Variants in HK3 observed in about 807,000 individuals in gnomAD.
HK3 encodes hexokinase-3.
In HK3, 93 loss-of-function variants were observed where a neutral mutation model predicts 91.0. The observed-to-expected ratio is 1.02, with a 90% confidence interval of 0.86 to 1.21. HK3 has a LOEUF of 1.21. Among genes scored for constraint, HK3 ranks in the 50% most tolerant of loss-of-function variants. The pLI is 0.00. For missense variants in HK3, 1,235 were observed against 1,247.4 expected, an observed-to-expected ratio of 0.99 and a Z score of 0.15; for synonymous variants, 519 against 516.9, an observed-to-expected ratio of 1.00 and a Z score of -0.06.
At chr5:176,882,550 A>T (rs1758468644) in intron 15 of HK3, among the ~76,000 whole-genome samples, 1 of 152,184 alleles carries the variant, frequency 6.6e-6, no homozygotes, top group Admixed American at 6.5e-5. Context: ...CAGAGAAATC[A>T]GAGACGAGGA....
chr5:176,890,511 T>A (rs1215011327), intron 6 of HK3, 124 bp downstream of exon 6: 1 of 807,206 alleles, frequency 1.2e-6, no homozygotes, highest in African/African-American at 1.7e-5. Context: ...TGGATGGAGG[T>A]TAAACTGGAT....
rs1469774806 is a variant in HK3, at chr5:176,887,050, T to G, written c.1809A>C (p.Pro603=). The change falls in exon 13 of 19, where the codon CCA becomes CCC. Residue 603 remains proline (P), a synonymous_variant. Transcript: ENST00000292432. The surrounding 1 kb of genome is among the most constrained non-coding windows in gnomAD (Gnocchi z 4.9). ...ATGGGAAGGAGAAGGTAAAACCCAG[T>G]GGGAGGCTCTGCCCGCTCAGGCCCT... is the stretch of plus-strand genomic sequence containing the variant. ...QKQGLSGQSL[P]LGFTFSFPCR... is the part of the protein sequence containing the mutation. 6.2e-7 allele frequency: 1 copy of G among 1,614,004 alleles called. No homozygotes were observed. The highest frequency in any genetic ancestry group is 1.3e-5 in the African/African-American group (1 of 74,906).
chr5:176,890,763 C>T (rs370726557), intron 5 of HK3, 33 bp from the exon 6 acceptor site: 22 of 1,614,068 alleles, frequency 1.4e-5, no homozygotes, highest in Admixed American at 6.7e-5. Flanking sequence ...ACTCCTCTGA[C>T]GGCCTTCATG....
At chr5:176,886,084 C>T (rs1758577885) in intron 13 of HK3, among the ~76,000 whole-genome samples, 2 of 152,146 alleles carry the variant, frequency 1.3e-5, no homozygotes, top group African/African-American at 4.8e-5. Flanking sequence ...TAAAAATGAG[C>T]TGGGCGTGTT....
rs749924458 is a variant in HK3, at chr5:176,883,775, AT to A, written c.2047del (p.Ile683LeufsTer68). On this transcript the variant is annotated frameshift_variant, in exon 15 of 19. Coordinates refer to ENST00000292432, the MANE Select transcript of HK3 (RefSeq NM_002115.3). LOFTEE classifies it high-confidence loss of function. Reference sequence around the variant, plus strand: ...AAGGGCAGGGCCCTCCTCACCGACAATGAGGCCTATCTCGCAACGGGGGTCC... The same window carrying A: ...AAGGGCAGGGCCCTCCTCACCGACAAGAGGCCTATCTCGCAACGGGGGTCC... ...YEDPRCEIGL[I>X]VGTGTNACYM... 1.7e-5 allele frequency: 27 copies of A among 1,611,998 alleles called. No homozygotes were observed. The highest frequency in any genetic ancestry group is 2.1e-5 in the Non-Finnish European group (25 of 1,178,284).
At chr5:176,882,443 G>T (rs999132026) in intron 15 of HK3, among the ~76,000 whole-genome samples, 3 of 152,144 alleles carry the variant, frequency 2.0e-5, no homozygotes, top group Non-Finnish European at 2.9e-5. Flanking sequence ...CCCCGCCCTC[G>T]CCCCTAGCTC....
In HK3 at chr5:176,887,869, G is replaced by A. The variant is rs1758644691; in HGVS notation, c.1305-123C>T. On this transcript the variant is annotated intron_variant, in intron 10 of 18. Transcript: ENST00000292432. The surrounding 1 kb of genome is among the most constrained non-coding windows in gnomAD (Gnocchi z 4.9). ...TGCCCAGCTTGGCCCCAGACCCCTA[G>A]GGCCTCCTGAAGCCCAAGGCCCCAT... 3 of 993,454 alleles carry A rather than the reference G, an allele frequency of 3.0e-6. No homozygotes were observed. The highest frequency in any genetic ancestry group is 3.4e-5 in the South Asian group (2 of 58,244). The allele number at this position is 993,454 out of a possible 1,614,324, so 61.5% of individuals were successfully genotyped here. A position where few individuals can be genotyped will look rare whatever the true frequency, so the allele number is the denominator to read the frequency against.
intron 16 of HK3, 25 bp downstream of exon 16, chr5:176,881,919 A>G (rs1224223561): frequency 5.6e-6 from 9 of 1,612,458 alleles, no homozygotes; most frequent in Non-Finnish European, 6.8e-6. Flanking sequence ...ACAGCCAGCC[A>G]CCACTGCCTG....
chr5:176,884,138 G>A lies in HK3; in HGVS notation c.1858-4C>T, dbSNP rs1173767582. On this transcript the variant is annotated splice_region_variant and splice_polypyrimidine_tract_variant and intron_variant, in intron 13 of 18. Transcript: ENST00000292432. This position sits in a 1 kb window ranked among gnomAD's most constrained non-coding sequence, Gnocchi z 4.1. ...TGGTCCAGTTCAGGAGGATGCCCTG[G>A]GGTGAGACCGAGAGGAAGTGGCAGG... 6.2e-7 allele frequency: 1 copy of A among 1,613,272 alleles called. No individual in the cohort carries two copies. Among genetic ancestry groups the A allele is most frequent in the Admixed American group, 1.7e-5 (1 of 60,024 alleles).
Position 176,887,569 on chromosome 5 carries a change from A to G in HK3, c.1482T>C (p.His494=), listed in dbSNP as rs777516165. The change falls in exon 11 of 19, where the codon CAT becomes CAC. Residue 494 remains histidine, a synonymous_variant. Coordinates refer to ENST00000292432, the MANE Select transcript of HK3 (RefSeq NM_002115.3). The surrounding 1 kb of genome is among the most constrained non-coding windows in gnomAD (Gnocchi z 4.9). Reference sequence around the variant, plus strand: ...GTGCCTGAACCGCAGCCAGTTGATCATGGTTCAACCGGAATGGGGCCAGGG... The same window carrying G: ...GTGCCTGAACCGCAGCCAGTTGATCGTGGTTCAACCGGAATGGGGCCAGGG... ...EETLAPFRLN[H]DQLAAVQAQM... is the part of the protein sequence containing the mutation. 2.5e-6 allele frequency: 4 copies of G among 1,613,884 alleles called. No homozygotes were observed. The highest frequency in any genetic ancestry group is 2.2e-5 in the South Asian group (2 of 91,088).
At position 176,888,823 on chromosome 5, in the gene HK3, A is replaced by C; in HGVS notation, c.956T>G (p.Val319Gly). ...MIGGLYLGEL[V>G]RLVLAHLARC... ...GGCCAAGTGAGCCAGCACCAGCCGC[A>C]CCAGCTCACCCAGGTACAGGCCTCC... Residue 319 changes from valine (V) to glycine (G), a missense_variant, in exon 9 of 19, where the codon GTG becomes GGG. Transcript: ENST00000292432. 6.2e-7 allele frequency: 1 copy of C among 1,614,190 alleles called. No homozygotes were observed. The highest frequency in any genetic ancestry group is 8.5e-7 in the Non-Finnish European group (1 of 1,180,036).
intron 9 of HK3, 30 bp downstream of exon 9, chr5:176,888,679 C>G: frequency 6.2e-7 from 1 of 1,614,008 alleles, no homozygotes. Context: ...GCCAAGAATC[C>G]CCCACTAAAC....
At position 176,891,031 on chromosome 5, in the gene HK3, G is replaced by A. The variant is rs945585741; in HGVS notation, c.414+6C>T. On this transcript the variant is annotated splice_donor_region_variant and intron_variant, in intron 4 of 18. Coordinates refer to ENST00000292432, the MANE Select transcript of HK3 (RefSeq NM_002115.3). ...AGACCCCAGAGGCTGGGCAGTGAGT[G>A]CTTACCTGCTGGCCAGCACCCAGCA... 3 of 1,613,964 alleles carry A rather than the reference G, an allele frequency of 1.9e-6. No individual in the cohort carries two copies. The highest frequency in any genetic ancestry group is 2.5e-6 in the Non-Finnish European group (3 of 1,179,998).
chr5:176,882,766 C>T (rs1758475929), intron 15 of HK3, among the ~76,000 whole-genome samples: 1 of 152,206 alleles, frequency 6.6e-6, no homozygotes. Context: ...AGGACGCACC[C>T]TGGATGAGGG....
chr5:176,891,863 T>C lies in HK3; in HGVS notation c.97-313A>G, dbSNP rs150133116. Among the ~76,000 whole-genome samples, 415 of 152,352 alleles carry C rather than the reference T, an allele frequency of 2.7e-3. 2 individuals carry two copies. Among genetic ancestry groups the C allele is most frequent in the Non-Finnish European group, 4.0e-3 (273 of 68,026 alleles). On this transcript the variant is annotated intron_variant, in intron 2 of 18. Transcript: ENST00000292432. ...GACCTTCTTCCTGCCATACCACTAA[T>C]GATTGCTCTCTGGCTCCCCAGGACC... is the stretch of plus-strand genomic sequence containing the variant.
chr5:176,881,898 C>T (rs371077351), intron 16 of HK3, 46 bp downstream of exon 16: 127 of 1,612,292 alleles, frequency 7.9e-5, no homozygotes, highest in Non-Finnish European at 1.1e-4. Flanking sequence ...CCACCATCCC[C>T]AGCACCGGTC....
Position 176,896,079 on chromosome 5 carries a change from T to G in HK3, c.81A>C (p.Ser27=). 6.2e-7 allele frequency: 1 copy of G among 1,613,848 alleles called. No homozygotes were observed. The highest frequency in any genetic ancestry group is 1.3e-5 in the African/African-American group (1 of 75,030). ...CTGAACTTACCAGCTCTGAGCTGTC[T>G]GAGGGCCCGGGCAAGCCCTCCTCAG... ...SCSEEGLPGP[S]DSSELVQECL... is the part of the protein sequence containing the mutation. The change falls in exon 2 of 19, where the codon TCA becomes TCC. Residue 27 remains serine, a synonymous_variant. Coordinates refer to ENST00000292432, the MANE Select transcript of HK3 (RefSeq NM_002115.3).
rs1581288449 is a variant in HK3, at chr5:176,882,039, C to T, written c.2142G>A (p.Glu714=). 1.9e-6 allele frequency: 3 copies of T among 1,613,218 alleles called. No homozygotes were observed. The highest frequency in any genetic ancestry group is 2.5e-6 in the Non-Finnish European group (3 of 1,180,034). ...AGCCATCGTCCCCAAAGGCGCCCCA[C>T]TCCATGTTGATGCACATGCGGCCTG... ...GDSGRMCINM[E]WGAFGDDGSL... Residue 714 remains glutamate (E), a synonymous_variant, in exon 16 of 19, where the codon GAG becomes GAA. Transcript: ENST00000292432.
rs1758541182 is a variant in HK3 at position 176,884,835 on chromosome 5, C to T, written c.1858-701G>A. ...GTCTACAGCTGTTGGGAGAAAATTA[C>T]TGCTTTGCTCAGAGGAGGAGCATGG... On this transcript the variant is annotated intron_variant, in intron 13 of 18. Coordinates refer to ENST00000292432, the MANE Select transcript of HK3 (RefSeq NM_002115.3). The surrounding 1 kb of genome is among the most constrained non-coding windows in gnomAD (Gnocchi z 4.1). Among the ~76,000 whole-genome samples, 1 of 152,180 alleles carries T rather than the reference C, an allele frequency of 6.6e-6. No individual in the cohort carries two copies. Among genetic ancestry groups the T allele is most frequent in the South Asian group, 2.1e-4 (1 of 4,836 alleles).
Sources: gnomAD v4.1 joint callset for allele counts (sites outside exome capture counted in the v4.1 genomes callset) on GRCh38, gnomAD v4.1.1 for gene constraint, Gnocchi (gnomAD v3.1) non-coding constraint, MANE v1.5 for transcripts, NCBI Gene and HGNC (gene_info 2026-07-23, HGNC 2026-07-21) for gene names.